Variants in PDE6D observed in about 807,000 individuals in gnomAD.
PDE6D encodes the protein phosphodiesterase 6D, also known as retinal rod rhodopsin-sensitive cGMP 3',5'-cyclic phosphodiesterase subunit delta.
In PDE6D, 10 loss-of-function variants were observed where a neutral mutation model predicts 21.9. The ratio of observed to expected loss-of-function variants is 0.46; its 90% CI spans 0.28 to 0.78. The LOEUF is 0.78. Among genes scored for constraint, PDE6D ranks in the 30% least tolerant of loss-of-function variants. The probability of loss-of-function intolerance (pLI) is 0.12; values close to 1 mark genes in which losing one functional copy is unlikely to be tolerated. For synonymous variants in PDE6D, 59 were observed against 63.5 expected (o/e 0.93, Z 0.34); for missense variants, 139 against 184.8 (o/e 0.75, Z 1.44).
chr2:231,732,879 G>A lies in PDE6D; in HGVS notation c.*73C>T, dbSNP rs1266460634. The A allele has an allele frequency of 2.0e-6, 2 of 979,424 alleles. No homozygotes were observed. Among genetic ancestry groups the A allele is most frequent in the East Asian group, 2.4e-5 (1 of 41,838 alleles). 60.7% of individuals were successfully genotyped at this position (979,424 alleles called of 1,614,324 possible). A position where few individuals can be genotyped will look rare whatever the true frequency, so the allele number is the denominator to read the frequency against. On this transcript the variant is annotated 3_prime_UTR_variant, in exon 5 of 5. Transcript: ENST00000287600. ...TGTATGTGTCAAAAATCAAACGTGTGGAGGAAAAAAGTAAACAGTTTCCTC... is the reference window on the plus strand; with the variant it reads ...TGTATGTGTCAAAAATCAAACGTGTAGAGGAAAAAAGTAAACAGTTTCCTC...
chr2:231,779,333 T>C (rs1278890887), intron 1 of PDE6D: 1 of 152,246 alleles, frequency 6.6e-6, no homozygotes, highest in African/African-American at 2.4e-5. Context: ...TCTTATCCTC[T>C]TTCTCAACAG....
chr2:231,736,317 AACTC>A, intron 4 of PDE6D, among the ~76,000 whole-genome samples: 1 of 146,620 alleles, frequency 6.8e-6, no homozygotes. Flanking sequence ...CTGTGGGACT[AACTC>A]TTTTTTTTTT....
In PDE6D at chr2:231,739,430, C is replaced by A. The variant is rs2048730194; in HGVS notation, c.51-242G>T. On this transcript the variant is annotated intron_variant, in intron 1 of 4. Transcript: ENST00000287600. This position sits in a 1 kb window ranked among gnomAD's most constrained non-coding sequence, Gnocchi z 4.2. ...TCCTAAGACTGCACACACCTAGAGA[C>A]TGCAAGAAAGGGACAGAAAACGAAT... 3.5e-6 allele frequency: 2 copies of A among 570,512 alleles called. No homozygotes were observed. Among genetic ancestry groups the A allele is most frequent in the Non-Finnish European group, 6.4e-6 (2 of 310,302 alleles). 35.3% of individuals were successfully genotyped at this position (570,512 alleles called of 1,614,324 possible).
chr2:231,762,653 T>C (rs1338994114), intron 1 of PDE6D, among the ~76,000 whole-genome samples: 1 of 152,148 alleles, frequency 6.6e-6, no homozygotes. Flanking sequence ...CCTAACAATT[T>C]GGTTTTAAGA....
At position 231,738,160 on chromosome 2, in the gene PDE6D, T is replaced by C. The variant is rs754384356; in HGVS notation, c.140-22A>G. 5.0e-6 allele frequency: 8 copies of C among 1,599,758 alleles called. No homozygotes were observed. In the Admixed American group the frequency reaches 1.1e-4, roughly 21 times the overall value. ...CGGGCTGGTAAGAGAAAAACAAATG[T>C]TGAAGCCTTTCTAAATGAAAACCAC... On this transcript the variant is annotated intron_variant, in intron 2 of 4. Coordinates refer to ENST00000287600, the MANE Select transcript of PDE6D (RefSeq NM_002601.4).
At chr2:231,761,434 C>T (rs1382719506) in intron 1 of PDE6D, among the ~76,000 whole-genome samples, 1 of 152,214 alleles carries the variant, frequency 6.6e-6, no homozygotes, top group Non-Finnish European at 1.5e-5. Context: ...CCTTGGCCTC[C>T]CAAAGTGCTG....
intron 4 of PDE6D, among the ~76,000 whole-genome samples, chr2:231,733,940 C>G (rs928942665): frequency 2.0e-5 from 3 of 151,954 alleles, no homozygotes; most frequent in African/African-American, 7.3e-5. Flanking sequence ...TAGCCGGGCA[C>G]GGTGGCTCAT....
chr2:231,734,853 A>AC (rs1230199713), intron 4 of PDE6D, among the ~76,000 whole-genome samples: 15 of 145,830 alleles, frequency 1.0e-4, no homozygotes, highest in African/African-American at 2.9e-4. Flanking sequence ...TCTCAAAAAA[A>AC]AAAACAAAAA....
chr2:231,765,082 G>C (rs564068307), intron 1 of PDE6D, among the ~76,000 whole-genome samples: 7 of 150,246 alleles, frequency 4.7e-5, no homozygotes, highest in African/African-American at 1.7e-4. Context: ...GCAACACAGT[G>C]AGATTCCATC....
chr2:231,746,947 A>G (rs759269333), intron 1 of PDE6D, among the ~76,000 whole-genome samples: 1 of 152,214 alleles, frequency 6.6e-6, no homozygotes, highest in Non-Finnish European at 1.5e-5. Context: ...TTAATACTGT[A>G]TAGCTGTCTG....
chr2:231,755,092 G>A (rs2048872097), intron 1 of PDE6D, among the ~76,000 whole-genome samples: 1 of 152,068 alleles, frequency 6.6e-6, no homozygotes, highest in African/African-American at 2.4e-5. Flanking sequence ...AACCACATAA[G>A]GATACGAGAA....
intron 1 of PDE6D, among the ~76,000 whole-genome samples, chr2:231,767,140 T>TA (rs762767855): frequency 3.7e-4 from 56 of 151,874 alleles, no homozygotes; most frequent in Non-Finnish European, 6.5e-4. Flanking sequence ...GAAGCTAAAG[T>TA]AAAAAACAAT....
rs549927485 is a variant in PDE6D at position 231,750,230 on chromosome 2, C to G, written c.51-11042G>C. On this transcript the variant is annotated intron_variant, in intron 1 of 4. Coordinates refer to ENST00000287600, the MANE Select transcript of PDE6D (RefSeq NM_002601.4). ...GTGAGGTCACCCCAGCCATGTGGAA[C>G]TGTAAGTCCAATTAAACCTTTTTCC... 2.0e-5 allele frequency among the ~76,000 whole-genome samples: 3 copies of G among 152,284 alleles called. No homozygotes were observed. In the East Asian group the frequency reaches 5.8e-4, roughly 29 times the overall value.
intron 1 of PDE6D, among the ~76,000 whole-genome samples, chr2:231,761,459 A>G (rs1338271914): frequency 6.6e-6 from 1 of 152,232 alleles, no homozygotes; most frequent in Non-Finnish European, 1.5e-5. Context: ...TACAGGCGTG[A>G]GCCACCAGGC....
chr2:231,737,155 A>T, intron 4 of PDE6D, 32 bp downstream of exon 4: 1 of 1,301,120 alleles, frequency 7.7e-7, no homozygotes, highest in Non-Finnish European at 1.1e-6. Context: ...TTCTAGACAC[A>T]CTTCATAATT....
intron 1 of PDE6D, among the ~76,000 whole-genome samples, chr2:231,768,051 C>T (rs2048986433): frequency 6.6e-6 from 1 of 151,702 alleles, no homozygotes; most frequent in East Asian, 1.9e-4. Flanking sequence ...TCACCATGTT[C>T]CCAGGCTGGT....
chr2:231,767,669 G>A (rs562178149), intron 1 of PDE6D, among the ~76,000 whole-genome samples: 1 of 152,154 alleles, frequency 6.6e-6, no homozygotes, highest in East Asian at 1.9e-4. Flanking sequence ...GCTTAAATAA[G>A]TGATTTCCAT....
At chr2:231,776,511 TTAAA>T (rs1574637599) in intron 1 of PDE6D, among the ~76,000 whole-genome samples, 2 of 152,182 alleles carry the variant, frequency 1.3e-5, no homozygotes, top group Non-Finnish European at 2.9e-5. Context: ...GAAGGCTATA[TTAAA>T]TAATATTTAC....
intron 1 of PDE6D, among the ~76,000 whole-genome samples, chr2:231,754,042 T>A (rs1299754435): frequency 6.6e-6 from 1 of 152,198 alleles, no homozygotes; most frequent in Non-Finnish European, 1.5e-5. Flanking sequence ...TCAAAAGAGT[T>A]GAGTGGCCTT....
Sources: gnomAD v4.1 joint callset for allele counts (sites outside exome capture counted in the v4.1 genomes callset) on GRCh38, gnomAD v4.1.1 for gene constraint, Gnocchi (gnomAD v3.1) non-coding constraint, MANE v1.5 for transcripts, NCBI Gene and HGNC (gene_info 2026-07-23, HGNC 2026-07-21) for gene names.